Variants in FHOD3 observed in about 807,000 individuals in gnomAD.
The protein encoded by FHOD3 is formin homology 2 domain containing 3.
Under a neutral mutation model 173.0 loss-of-function variants are expected in FHOD3, and 90 were observed. The observed-to-expected ratio is 0.52, with a 90% confidence interval of 0.44 to 0.62. The LOEUF is 0.62. Among genes scored for constraint, FHOD3 ranks in the 20% least tolerant of loss-of-function variants. The pLI, the probability that FHOD3 is intolerant of heterozygous loss-of-function variation, is 0.00. For synonymous variants in FHOD3, 828 were observed against 823.0 expected, an observed-to-expected ratio of 1.01 and a Z score of -0.10; for missense variants, 1,945 against 2,034.7, an observed-to-expected ratio of 0.96 and a Z score of 0.85.
At chr18:36,410,600 A>G (rs2146878733) in intron 3 of FHOD3, among the ~76,000 whole-genome samples, 1 of 152,272 alleles carries the variant, frequency 6.6e-6, no homozygotes, top group South Asian at 2.1e-4. Flanking sequence ...CCCCATTCAC[A>G]TTCCCACTGG....
chr18:36,482,858 C>CACACACACAGAGAGAG (rs1400178557), intron 3 of FHOD3, among the ~76,000 whole-genome samples: 37 of 130,452 alleles, frequency 2.8e-4, no homozygotes, highest in African/African-American at 1.1e-3. Context: ...CACACACACA[C>CACACACACAGAGAGAG]AGAGAGAGAG....
rs560768522 is a variant in FHOD3 at position 36,774,132 on chromosome 18, C to T, written c.4786+4706C>T. Among the ~76,000 whole-genome samples, 3 of 152,358 alleles carry T rather than the reference C, an allele frequency of 2.0e-5. No individual in the cohort carries two copies. The South Asian group carries it at 6.2e-4, about 32-fold the overall frequency. ...GGCCAAACTCTCCCTTTGCCCACCT[C>T]CAACATGACTCATAGGAGGAGGCAG... On this transcript the variant is annotated intron_variant, in intron 28 of 28. Transcript: ENST00000590592.
intron 9 of FHOD3, among the ~76,000 whole-genome samples, chr18:36,619,348 A>G (rs764316557): frequency 2.0e-5 from 3 of 152,140 alleles, no homozygotes; most frequent in Non-Finnish European, 4.4e-5. Flanking sequence ...CAGCCCCCAA[A>G]TGAACCCTTT....
At chr18:36,521,530 C>T (rs1194245256) in intron 5 of FHOD3, among the ~76,000 whole-genome samples, 2 of 152,162 alleles carry the variant, frequency 1.3e-5, no homozygotes, top group Non-Finnish European at 2.9e-5. Flanking sequence ...AATCATCACC[C>T]ACCAAATTAG....
chr18:36,749,509 G>A (rs146155207), intron 24 of FHOD3, among the ~76,000 whole-genome samples: 23 of 152,296 alleles, frequency 1.5e-4, no homozygotes, highest in Non-Finnish European at 2.6e-4. Flanking sequence ...AGACATGATC[G>A]TGTTCTTTCT....
chr18:36,403,748 C>T (rs912109512), intron 3 of FHOD3, among the ~76,000 whole-genome samples: 2 of 152,200 alleles, frequency 1.3e-5, no homozygotes, highest in African/African-American at 2.4e-5. Context: ...TGGGAATATT[C>T]GTAACTGTAT....
chr18:36,487,890 C>T (rs910963050), intron 3 of FHOD3, among the ~76,000 whole-genome samples: 2 of 152,206 alleles, frequency 1.3e-5, no homozygotes, highest in Non-Finnish European at 1.5e-5. Flanking sequence ...GATCCACACA[C>T]AGCTTGTCCG....
At chr18:36,479,727 G>A (rs2053779505) in intron 3 of FHOD3, among the ~76,000 whole-genome samples, 1 of 151,898 alleles carries the variant, frequency 6.6e-6, no homozygotes, top group South Asian at 2.1e-4. Flanking sequence ...TCTTTGTTTG[G>A]AAAGAGCTTA....
At position 36,338,696 on chromosome 18, in the gene FHOD3, G is replaced by C. The variant is rs186544634; in HGVS notation, c.166-16843G>C. ...TGGCCAGCAGGCAGCTCACCCTCTA[G>C]TATTCTTAAAAGCTTTTCCTAGAAG... On this transcript the variant is annotated intron_variant, in intron 1 of 28. Coordinates refer to ENST00000590592, the MANE Select transcript of FHOD3 (RefSeq NM_001281740.3). Among the ~76,000 whole-genome samples the C allele has an allele frequency of 2.3e-3, 355 of 152,266 alleles. 2 individuals are homozygous for C. The highest frequency in any genetic ancestry group is 8.1e-3 in the African/African-American group (338 of 41,548).
intron 3 of FHOD3, among the ~76,000 whole-genome samples, chr18:36,415,176 C>G (rs1249012870): frequency 6.6e-6 from 1 of 152,198 alleles, no homozygotes; most frequent in Non-Finnish European, 1.5e-5. Flanking sequence ...GGGCAAGACC[C>G]TGATGACTAG....
chr18:36,432,123 T>G (rs762410484), intron 3 of FHOD3, among the ~76,000 whole-genome samples: 3 of 152,162 alleles, frequency 2.0e-5, no homozygotes, highest in Admixed American at 6.5e-5. Flanking sequence ...ACAGCTGGCA[T>G]GGGCAGCCAA....
Position 36,495,079 on chromosome 18 carries a change from G to A in FHOD3, c.338-6853G>A, listed in dbSNP as rs540005620. On this transcript the variant is annotated intron_variant, in intron 3 of 28. Coordinates refer to ENST00000590592, the MANE Select transcript of FHOD3 (RefSeq NM_001281740.3). ...CACCTCAGCCTCCTGAGTAGCTGGGGCTGTAGGCCACCACCCCTGGCTAAT... is the reference window on the plus strand; with the variant it reads ...CACCTCAGCCTCCTGAGTAGCTGGGACTGTAGGCCACCACCCCTGGCTAAT... Among the ~76,000 whole-genome samples the A allele has an allele frequency of 2.0e-5, 3 of 152,134 alleles. No individual in the cohort carries two copies. The East Asian group carries it at 5.8e-4, about 29-fold the overall frequency.
At chr18:36,382,010 G>T (rs1402898298) in intron 3 of FHOD3, among the ~76,000 whole-genome samples, 1 of 152,228 alleles carries the variant, frequency 6.6e-6, no homozygotes, top group Admixed American at 6.5e-5. Flanking sequence ...CATGTTCGTG[G>T]CCTGTGCACA....
chr18:36,440,662 G>A (rs1326718985), intron 3 of FHOD3, among the ~76,000 whole-genome samples: 2 of 152,330 alleles, frequency 1.3e-5, no homozygotes, highest in East Asian at 3.9e-4. Context: ...GCCAAGCTTT[G>A]AAATTTTTCT....
In FHOD3 at chr18:36,472,406, A is replaced by T. The variant is rs911558821; in HGVS notation, c.338-29526A>T. 7.7e-4 allele frequency among the ~76,000 whole-genome samples: 118 copies of T among 152,344 alleles called. 1 individual carries two copies. The highest frequency in any genetic ancestry group is 2.4e-3 in the African/African-American group (99 of 41,582). On this transcript the variant is annotated intron_variant, in intron 3 of 28. Coordinates refer to ENST00000590592, the MANE Select transcript of FHOD3 (RefSeq NM_001281740.3). ...GCTAGAATTTTTAAACAGCTTATTG[A>T]GATATAATTTACATACCATAAAATT... is the stretch of plus-strand genomic sequence containing the variant.
chr18:36,564,285 T>A (rs1280897357), intron 5 of FHOD3, among the ~76,000 whole-genome samples: 1 of 152,206 alleles, frequency 6.6e-6, no homozygotes, highest in Non-Finnish European at 1.5e-5. Context: ...AAAATGACTG[T>A]TTTACTTTCC....
intron 10 of FHOD3, among the ~76,000 whole-genome samples, chr18:36,633,687 C>T (rs1368411666): frequency 1.3e-5 from 2 of 152,202 alleles, no homozygotes; most frequent in African/African-American, 4.8e-5. Flanking sequence ...TGAAAGTACT[C>T]TCTGAATCTA....
intron 18 of FHOD3, among the ~76,000 whole-genome samples, chr18:36,716,614 C>T (rs1406535189): frequency 6.6e-6 from 1 of 152,114 alleles, no homozygotes; most frequent in Non-Finnish European, 1.5e-5. Context: ...GAAGCAGCAA[C>T]GGAGACTGAG....
intron 1 of FHOD3, among the ~76,000 whole-genome samples, chr18:36,334,844 G>T (rs1207535764): frequency 1.3e-5 from 2 of 152,216 alleles, no homozygotes; most frequent in Non-Finnish European, 2.9e-5. Flanking sequence ...GGGAAAGAGG[G>T]AATCGTCCTG....
Sources: allele counts gnomAD v4.1 joint callset (sites outside exome capture counted in the v4.1 genomes callset), GRCh38; gene constraint gnomAD v4.1.1; transcripts MANE v1.5; gene names NCBI Gene and HGNC (gene_info 2026-07-23, HGNC 2026-07-21).